Variants in DOCK9 observed in about 807,000 individuals in gnomAD.
DOCK9 encodes the protein dedicator of cytokinesis 9, also known as dedicator of cytokinesis protein 9.
Under a neutral mutation model 263.3 loss-of-function variants are expected in DOCK9, and 89 were observed. The ratio of observed to expected loss-of-function variants is 0.34; its 90% confidence interval spans 0.28 to 0.40. The LOEUF (loss-of-function observed/expected upper bound fraction) is 0.40, where lower values mean the gene tolerates loss of function less well. Among genes scored for constraint, DOCK9 ranks in the 10% least tolerant of loss-of-function variants. DOCK9 has a pLI of 1.00. For missense variants in DOCK9, 2,140 were observed against 2,603.4 expected (o/e 0.82, Z 3.87); for synonymous variants, 976 against 973.1 (o/e 1.00, Z -0.06).
chr13:98,979,242 G>GGCGGCGGCGGCAGCA (rs55651915), upstream of DOCK9, among the ~76,000 whole-genome samples: 1 of 136,176 alleles, frequency 7.3e-6, no homozygotes. Context: ...CAGCAGCGGC[G>GGCGGCGGCGGCAGCA]GCAGCAGCAG....
At chr13:98,991,817 T>C (rs1879879659) in intron 1 of DOCK9, among the ~76,000 whole-genome samples, 1 of 151,926 alleles carries the variant, frequency 6.6e-6, no homozygotes, top group African/African-American at 2.4e-5. Flanking sequence ...ACTACGTCAC[T>C]AGGTTCTGGC....
chr13:98,902,527 C>A, intron 11 of DOCK9, 36 bp from the exon 12 acceptor site: 1 of 1,589,286 alleles, frequency 6.3e-7, no homozygotes, highest in Non-Finnish European at 8.6e-7. Flanking sequence ...ATCACCATGG[C>A]TCAAACAGGG....
chr13:98,886,075 C>G (rs2045647251), intron 19 of DOCK9, among the ~76,000 whole-genome samples: 1 of 152,124 alleles, frequency 6.6e-6, no homozygotes, highest in South Asian at 2.1e-4. Flanking sequence ...AAACACAGGA[C>G]AGTAACTGCT....
chr13:98,988,149 T>C (rs1878914807), intron 1 of DOCK9, among the ~76,000 whole-genome samples: 1 of 152,144 alleles, frequency 6.6e-6, no homozygotes, highest in South Asian at 2.1e-4. Flanking sequence ...TATTTTAAAA[T>C]AATGTCCAGG....
intron 45 of DOCK9, among the ~76,000 whole-genome samples, chr13:98,813,319 T>C (rs1474556525): frequency 1.3e-5 from 2 of 152,216 alleles, no homozygotes. Flanking sequence ...GCATTCAGTC[T>C]TTCACAATTA....
At chr13:99,056,765 G>C (rs1042985563) in intron 1 of DOCK9, among the ~76,000 whole-genome samples, 4 of 152,178 alleles carry the variant, frequency 2.6e-5, no homozygotes, top group Non-Finnish European at 5.9e-5. Flanking sequence ...GTGGCAATCA[G>C]GGTCATTCAT....
intron 1 of DOCK9, among the ~76,000 whole-genome samples, chr13:99,051,027 C>T (rs989567740): frequency 6.6e-6 from 1 of 152,212 alleles, no homozygotes; most frequent in Non-Finnish European, 1.5e-5. Context: ...CCATCACCTG[C>T]CCACCCAGCT....
intron 2 of DOCK9, among the ~76,000 whole-genome samples, chr13:98,938,438 A>G (rs2055268641): frequency 1.3e-5 from 2 of 152,210 alleles, no homozygotes; most frequent in African/African-American, 4.8e-5. Flanking sequence ...TGAATATGGA[A>G]TTCTAAGTCT....
chr13:98,798,890 T>C (rs1016411672), intron 50 of DOCK9, among the ~76,000 whole-genome samples: 2 of 152,234 alleles, frequency 1.3e-5, no homozygotes, highest in African/African-American at 2.4e-5. Flanking sequence ...TAGCAGGGCA[T>C]ATTTTGCCTT....
At position 98,888,435 on chromosome 13, in the gene DOCK9, AGGC is replaced by A; in HGVS notation, c.1899_1901del (p.Gln633_Pro634delinsHis). 6.2e-7 allele frequency: 1 copy of A among 1,612,856 alleles called. No homozygotes were observed. The highest frequency in any genetic ancestry group is 8.5e-7 in the Non-Finnish European group (1 of 1,179,500). On this transcript the variant is annotated inframe_deletion, in exon 17 of 53. Transcript: ENST00000682017. Reference sequence around the variant, plus strand: ...AAAGGTGATTGGTGTAGATGGTGTAAGGCTGAGTGTGTTTTGGTATGCAGGGCA... The same window carrying A: ...AAAGGTGATTGGTGTAGATGGTGTAATGAGTGTGTTTTGGTATGCAGGGCA...
At chr13:98,816,269 C>T (rs1415886171) in intron 45 of DOCK9, among the ~76,000 whole-genome samples, 1 of 152,104 alleles carries the variant, frequency 6.6e-6, no homozygotes, top group African/African-American at 2.4e-5. Flanking sequence ...CACACACGGT[C>T]ATCCTCAGAG....
chr13:98,992,608 T>C (rs1042994788), intron 1 of DOCK9, among the ~76,000 whole-genome samples: 4 of 152,198 alleles, frequency 2.6e-5, no homozygotes, highest in Admixed American at 6.5e-5. Flanking sequence ...TGAGATCTGA[T>C]GGTTTAATAA....
chr13:98,999,484 C>T (rs1243258704), intron 1 of DOCK9, among the ~76,000 whole-genome samples: 1 of 152,170 alleles, frequency 6.6e-6, no homozygotes, highest in African/African-American at 2.4e-5. Context: ...GATCATCTGG[C>T]CTTCTCCTGA....
chr13:98,860,335 A>C, intron 33 of DOCK9, 70 bp downstream of exon 33: 1 of 1,547,796 alleles, frequency 6.5e-7, no homozygotes, highest in Non-Finnish European at 8.7e-7. Flanking sequence ...TGACACGTTC[A>C]CCAACTATTG....
At chr13:98,988,200 G>A (rs1878932992) in intron 1 of DOCK9, among the ~76,000 whole-genome samples, 1 of 152,166 alleles carries the variant, frequency 6.6e-6, no homozygotes, top group African/African-American at 2.4e-5. Flanking sequence ...TCAGAGCTGG[G>A]ACCAGAGGCA....
chr13:98,840,649 C>T (rs1371852021), intron 38 of DOCK9, among the ~76,000 whole-genome samples: 1 of 152,208 alleles, frequency 6.6e-6, no homozygotes, highest in Non-Finnish European at 1.5e-5. Flanking sequence ...ACCACCATGA[C>T]ATCAGAGGTA....
intron 2 of DOCK9, among the ~76,000 whole-genome samples, chr13:98,933,901 TTGTTGTTG>T (rs2054378645): frequency 7.8e-6 from 1 of 127,808 alleles, no homozygotes; most frequent in African/African-American, 2.9e-5. Flanking sequence ...GTTGTTGTTG[TTGTTGTTG>T]TTGTTTGAAA....
In DOCK9 at chr13:98,881,946, A is replaced by G. The variant is rs1228575717; in HGVS notation, c.2621T>C (p.Leu874Pro). ...TGTGGCTCTGGTGAGGACTCGGAAC[A>G]GCTGGTTTAGGATAGTGGGCAAGAA... ...IAFLPTILNQ[L>P]FRVLTRATQE... is the part of the protein sequence containing the mutation. Residue 874 changes from leucine (L) to proline (P), a missense_variant, in exon 24 of 53, where the codon CTG becomes CCG. Physicochemically the swap from Leu to Pro is moderately conservative, Grantham distance 98 (BLOSUM62 -3). Coordinates refer to ENST00000682017, the MANE Select transcript of DOCK9 (RefSeq NM_001366683.2). The G allele has an allele frequency of 6.2e-7, 1 of 1,600,546 alleles. No individual in the cohort carries two copies. The highest frequency in any genetic ancestry group is 1.1e-5 in the South Asian group (1 of 87,680).
intron 1 of DOCK9, among the ~76,000 whole-genome samples, chr13:98,964,520 G>A (rs566067332): frequency 9.2e-5 from 14 of 152,308 alleles, no homozygotes; most frequent in South Asian, 6.2e-4. Flanking sequence ...TGTAAGGCCT[G>A]AAACATGCAC....
Sources: gnomAD v4.1 joint callset for allele counts (sites outside exome capture counted in the v4.1 genomes callset) on GRCh38, gnomAD v4.1.1 for gene constraint, MANE v1.5 for transcripts, NCBI Gene and HGNC (gene_info 2026-07-23, HGNC 2026-07-21) for gene names.